ENOX1: variants seen among roughly 807,000 people sequenced by gnomAD.
ENOX1 encodes candidate growth-related and time keeping constitutive hydroquinone (NADH) oxidase.
A neutral mutation model predicts 82.5 loss-of-function variants in ENOX1; 42 were observed. The ratio of observed to expected loss-of-function variants is 0.51; its 90% CI spans 0.40 to 0.66. ENOX1 has a LOEUF of 0.66. Ranked by LOEUF, ENOX1 falls within the 30% of genes least tolerant of loss-of-function variation. The pLI is 0.00. For synonymous variants in ENOX1, 271 were observed against 282.2 expected (o/e 0.96, Z 0.40); for missense variants, 608 against 811.6 (o/e 0.75, Z 3.05).
chr13:43,493,364 T>C (rs2076686680), intron 2 of ENOX1, among the ~76,000 whole-genome samples: 4 of 152,116 alleles, frequency 2.6e-5, no homozygotes, highest in Admixed American at 2.0e-4. Flanking sequence ...TCAATTCAAG[T>C]CTGAAGGCCT....
rs1250507207 is a variant in ENOX1 at position 43,523,615 on chromosome 13, C to G, written c.-218-39463G>C. Among the ~76,000 whole-genome samples, 4 of 152,210 alleles carry G rather than the reference C, an allele frequency of 2.6e-5. No individual in the cohort carries two copies. In the South Asian group the frequency reaches 8.3e-4, roughly 32 times the overall value. On this transcript the variant is annotated intron_variant, in intron 2 of 16. Transcript: ENST00000690772. ...TAAGGAAATAAATCTTTTAAGAAAG[C>G]AATGTCTTCTGACAAAGGCAGAGTT...
At chr13:43,529,305 T>C (rs2078113780) in intron 2 of ENOX1, among the ~76,000 whole-genome samples, 1 of 152,040 alleles carries the variant, frequency 6.6e-6, no homozygotes, top group African/African-American at 2.4e-5. Flanking sequence ...AAATCAACTG[T>C]CCTTGTATCT....
rs925271406 is a variant in ENOX1, at chr13:43,786,230, A to C, written c.-285+422T>G. Among the ~76,000 whole-genome samples, 2 of 151,990 alleles carry C rather than the reference A, an allele frequency of 1.3e-5. No homozygotes were observed. The highest frequency in any genetic ancestry group is 1.3e-4 in the Admixed American group (2 of 15,270). ...CCTGAAAGAAGAGGGCAGCGGGAAC[A>C]CTGTGTGGGCAGGAACGGGTCCCGG... On this transcript the variant is annotated intron_variant, in intron 1 of 16. Transcript: ENST00000690772. This position sits in a 1 kb window ranked among gnomAD's most constrained non-coding sequence, Gnocchi z 6.0.
rs1009181009 is a variant in ENOX1 at position 43,533,172 on chromosome 13, G to A, written c.-218-49020C>T. ...AGGGCCTGGTGAGAAATGTGCACCC[G>A]GTGAGTAATGACCTGATTTTGGAGC... On this transcript the variant is annotated intron_variant, in intron 2 of 16. Coordinates refer to ENST00000690772, the MANE Select transcript of ENOX1 (RefSeq NM_001347969.2). Among the ~76,000 whole-genome samples the A allele has an allele frequency of 6.6e-5, 10 of 152,154 alleles. No individual in the cohort carries two copies. The East Asian group carries it at 1.2e-3, about 18-fold the overall frequency.
At chr13:43,514,233 G>A (rs1011322644) in intron 2 of ENOX1, among the ~76,000 whole-genome samples, 1 of 152,110 alleles carries the variant, frequency 6.6e-6, no homozygotes, top group Non-Finnish European at 1.5e-5. Context: ...ATGTGTAATT[G>A]AGAGTTTTTT....
At chr13:43,394,327 C>T (rs1277353810) in intron 5 of ENOX1, among the ~76,000 whole-genome samples, 1 of 152,178 alleles carries the variant, frequency 6.6e-6, no homozygotes, top group Non-Finnish European at 1.5e-5. Context: ...AATTCAATGG[C>T]ATCCCGAACT....
chr13:43,442,086 C>T (rs935560007), intron 3 of ENOX1, among the ~76,000 whole-genome samples: 6 of 152,048 alleles, frequency 3.9e-5, no homozygotes, highest in South Asian at 2.1e-4. Flanking sequence ...CCAGAGCCTC[C>T]GCACATGGAG....
At chr13:43,695,235 A>T (rs974878243) in intron 1 of ENOX1, among the ~76,000 whole-genome samples, 1 of 150,078 alleles carries the variant, frequency 6.7e-6, no homozygotes, top group African/African-American at 2.5e-5. Context: ...TAGCAGAATA[A>T]GCTCATATTT....
chr13:43,321,803 T>A (rs2047827589), intron 11 of ENOX1, among the ~76,000 whole-genome samples: 1 of 152,230 alleles, frequency 6.6e-6, no homozygotes, highest in African/African-American at 2.4e-5. Flanking sequence ...GATTTATATA[T>A]AATTCAATGA....
In ENOX1 at chr13:43,786,810, C is replaced by G. The variant is rs1346382614; in HGVS notation, c.-443G>C. 1 of 144,298 alleles carries G rather than the reference C, an allele frequency of 6.9e-6. No homozygotes were observed. Among genetic ancestry groups the G allele is most frequent in the Non-Finnish European group, 1.5e-5 (1 of 66,674 alleles). The allele number at this position is 144,298 out of a possible 1,614,324, so 8.9% of individuals were successfully genotyped here. A position where few individuals can be genotyped will look rare whatever the true frequency, so the allele number is the denominator to read the frequency against. On this transcript the variant is annotated 5_prime_UTR_variant, in exon 1 of 17. Coordinates refer to ENST00000690772, the MANE Select transcript of ENOX1 (RefSeq NM_001347969.2). This position sits in a 1 kb window ranked among gnomAD's most constrained non-coding sequence, Gnocchi z 6.0. ...GGAGACGCGGCCGGGCTGCAGTCGC[C>G]GTTCCCTCTGCTGCCGCCGCCGCTG...
intron 11 of ENOX1, among the ~76,000 whole-genome samples, chr13:43,301,214 T>C (rs2046558683): frequency 1.3e-5 from 2 of 152,222 alleles, no homozygotes; most frequent in Non-Finnish European, 2.9e-5. Flanking sequence ...TTATCATAAC[T>C]GATAGCAGGT....
At chr13:43,479,850 T>C (rs1303349583) in intron 3 of ENOX1, among the ~76,000 whole-genome samples, 1 of 152,210 alleles carries the variant, frequency 6.6e-6, no homozygotes, top group African/African-American at 2.4e-5. Context: ...TGAGTCTGGT[T>C]ATTACAATAA....
At chr13:43,557,860 A>G (rs1279641955) in intron 2 of ENOX1, among the ~76,000 whole-genome samples, 2 of 152,222 alleles carry the variant, frequency 1.3e-5, no homozygotes, top group Non-Finnish European at 2.9e-5. Flanking sequence ...AAAAACCTCA[A>G]TAATGATGAG....
intron 3 of ENOX1, among the ~76,000 whole-genome samples, chr13:43,462,234 T>A (rs1022593671): frequency 1.3e-4 from 20 of 152,386 alleles, no homozygotes; most frequent in Admixed American, 4.6e-4. Flanking sequence ...GATTTTCAAT[T>A]ACTTTTATAA....
intron 5 of ENOX1, among the ~76,000 whole-genome samples, chr13:43,369,353 T>C (rs1268820374): frequency 6.6e-6 from 1 of 152,244 alleles, no homozygotes; most frequent in East Asian, 1.9e-4. Flanking sequence ...AGGAAGAAGC[T>C]GATCAACCTA....
chr13:43,344,703 C>A lies in ENOX1; in HGVS notation c.871G>T (p.Glu291Ter). ...EAITVLLSWI[E>*]RGEVNRRSAN... ...GAGCGCCGATTCACTTCCCCTCGTT[C>A]AATCCAGGAAAGCAGCACTGTGATA... The change falls in exon 9 of 17, where the codon GAA (glutamate) becomes TAA (stop). Residue 291 changes from glutamate (E) to a stop codon, truncating the protein, a stop_gained. Transcript: ENST00000690772. LOFTEE classifies it high-confidence loss of function. 6.2e-7 allele frequency: 1 copy of A among 1,614,174 alleles called. No individual in the cohort carries two copies. Among genetic ancestry groups the A allele is most frequent in the Non-Finnish European group, 8.5e-7 (1 of 1,180,038 alleles).
chr13:43,375,041 A>G (rs1245174088), intron 5 of ENOX1, among the ~76,000 whole-genome samples: 2 of 152,202 alleles, frequency 1.3e-5, no homozygotes, highest in Non-Finnish European at 2.9e-5. Flanking sequence ...TGTATGATGG[A>G]CGTTTATGTG....
At chr13:43,582,844 T>A (rs954214800) in intron 2 of ENOX1, among the ~76,000 whole-genome samples, 4 of 152,210 alleles carry the variant, frequency 2.6e-5, no homozygotes, top group African/African-American at 9.6e-5. Flanking sequence ...GTGCAAATAA[T>A]TTCAAAACAT....
intron 5 of ENOX1, among the ~76,000 whole-genome samples, chr13:43,392,921 C>A (rs976381971): frequency 2.6e-5 from 4 of 151,962 alleles, no homozygotes; most frequent in African/African-American, 9.7e-5. Flanking sequence ...TTGCTGTGTT[C>A]TTTTCTCTGT....
Sources: gnomAD v4.1 joint callset for allele counts (sites outside exome capture counted in the v4.1 genomes callset) on GRCh38, gnomAD v4.1.1 for gene constraint, Gnocchi (gnomAD v3.1) non-coding constraint, MANE v1.5 for transcripts, NCBI Gene and HGNC (gene_info 2026-07-23, HGNC 2026-07-21) for gene names.